The following CFAP70 variants were observed in gnomAD, a reference collection of about 807,000 sequenced individuals.
The protein encoded by CFAP70 is cilia and flagella associated protein 70, also known as cilia- and flagella-associated protein 70.
A neutral mutation model predicts 137.6 loss-of-function variants in CFAP70; 81 were observed. That is an observed-to-expected ratio of 0.59 (90% CI 0.49 to 0.71). CFAP70 has a LOEUF of 0.71. Among genes scored for constraint, CFAP70 ranks in the 30% least tolerant of loss-of-function variants. The probability of loss-of-function intolerance (pLI) is 0.00; values close to 1 mark genes in which losing one functional copy is unlikely to be tolerated. For synonymous variants in CFAP70, 382 were observed against 423.6 expected (o/e 0.90, Z 1.20); for missense variants, 976 against 1,226.7 (o/e 0.80, Z 3.05).
intron 19 of CFAP70, among the ~76,000 whole-genome samples, chr10:73,284,054 C>T (rs1331268007): frequency 5.3e-5 from 8 of 152,184 alleles, no homozygotes. Context: ...AACATATTAT[C>T]TCATAGTTCT....
chr10:73,321,258 G>T (rs1001333140), intron 9 of CFAP70, among the ~76,000 whole-genome samples: 3 of 151,878 alleles, frequency 2.0e-5, no homozygotes, highest in African/African-American at 7.3e-5. Flanking sequence ...TTCTACTAAA[G>T]ATACAAAAAA....
At chr10:73,328,330 A>C (rs1223870091) in intron 8 of CFAP70, among the ~76,000 whole-genome samples, 10 of 151,988 alleles carry the variant, frequency 6.6e-5, no homozygotes, top group African/African-American at 2.2e-4. Flanking sequence ...CCTTATACAA[A>C]AATTAATTCA....
intron 2 of CFAP70, among the ~76,000 whole-genome samples, chr10:73,354,425 A>C (rs1361478113): frequency 6.6e-6 from 1 of 152,212 alleles, no homozygotes; most frequent in East Asian, 1.9e-4. Context: ...ATTAATCACA[A>C]GGGAAACTCT....
At chr10:73,269,136 G>A (rs769378407) in intron 25 of CFAP70, among the ~76,000 whole-genome samples, 2 of 152,116 alleles carry the variant, frequency 1.3e-5, no homozygotes, top group African/African-American at 2.4e-5. Context: ...GGCTACTGTC[G>A]TTATTCCCAA....
intron 15 of CFAP70, chr10:73,293,611 A>C: frequency 2.6e-6 from 1 of 389,714 alleles, no homozygotes; most frequent in Admixed American, 4.2e-5. Flanking sequence ...CAACAGTCTG[A>C]GCTCATGGAA....
chr10:73,323,333 G>GT (rs1317809650), intron 8 of CFAP70, among the ~76,000 whole-genome samples: 2 of 130,354 alleles, frequency 1.5e-5, no homozygotes, highest in Non-Finnish European at 3.3e-5. Context: ...GGCGGGGGCG[G>GT]GGGGGGGGCA....
In CFAP70 at chr10:73,310,261, T is replaced by C. The variant is rs1050193806; in HGVS notation, c.1165-12A>G. On this transcript the variant is annotated splice_polypyrimidine_tract_variant and intron_variant, in intron 11 of 26. Transcript: ENST00000310715. The stretch of plus-strand genomic sequence containing the variant: ...GCTTCTACATATTGCTGTAAAGACA[T>C]TGTTTTCTTATTATTTCCAGAAAAA... 2.5e-6 allele frequency: 4 copies of C among 1,572,512 alleles called. No individual in the cohort carries two copies. The South Asian group carries it at 3.5e-5, about 14-fold the overall frequency.
intron 5 of CFAP70, among the ~76,000 whole-genome samples, chr10:73,343,648 G>A (rs2053467858): frequency 6.6e-6 from 1 of 152,086 alleles, no homozygotes; most frequent in African/African-American, 2.4e-5. Flanking sequence ...GGCACAGGGT[G>A]GAGTGAGCTG....
At chr10:73,336,771 G>A (rs2052712147) in intron 6 of CFAP70, among the ~76,000 whole-genome samples, 1 of 151,312 alleles carries the variant, frequency 6.6e-6, no homozygotes. Flanking sequence ...ATTTTTTTTA[G>A]TAGAGACAGG....
intron 9 of CFAP70, among the ~76,000 whole-genome samples, chr10:73,315,153 G>A (rs1217703723): frequency 6.7e-6 from 1 of 149,798 alleles, no homozygotes; most frequent in African/African-American, 2.5e-5. Flanking sequence ...GTAGTTCAAG[G>A]CTGCAGTGAG....
intron 10 of CFAP70, among the ~76,000 whole-genome samples, 174 bp from the exon 12 acceptor site, chr10:73,312,088 A>G (rs1331644198): frequency 6.6e-6 from 1 of 152,204 alleles, no homozygotes; most frequent in Non-Finnish European, 1.5e-5. Context: ...CTCAGCAACT[A>G]ACACAGGAAC....
At chr10:73,348,073 T>G in intron 4 of CFAP70, 83 bp downstream of exon 5, 1 of 1,256,756 alleles carries the variant, frequency 8.0e-7, no homozygotes, top group Non-Finnish European at 1.2e-6. Flanking sequence ...TGCATTACAC[T>G]CAACTGAATT....
chr10:73,293,273 T>A, exon 16 of CFAP70: 1 of 1,610,288 alleles, frequency 6.2e-7, no homozygotes, highest in Non-Finnish European at 8.5e-7. Flanking sequence ...CTCTTTATAA[T>A]ATGCTGCTGC....
At chr10:73,265,043 C>T (rs929165991) in intron 25 of CFAP70, among the ~76,000 whole-genome samples, 5 of 152,094 alleles carry the variant, frequency 3.3e-5, no homozygotes, top group Admixed American at 1.3e-4. Flanking sequence ...AGAAGAGATT[C>T]GGCCGGGTGC....
At chr10:73,256,477 A>G in intron 25 of CFAP70, 61 bp from the exon 27 acceptor site, 1 of 1,590,444 alleles carries the variant, frequency 6.3e-7, no homozygotes, top group South Asian at 1.1e-5. Context: ...TAAGGAAAAT[A>G]CATTGCCTCA....
chr10:73,275,488 C>T lies in CFAP70; in HGVS notation c.2631G>A (p.Lys877=), dbSNP rs1419365337. Reference sequence around the variant, plus strand: ...CTGCTTGTTGAAGGTATTCCTCTGCCTTGGCAAAGTTCTTCTTAAGAATGT... The same window carrying T: ...CTGCTTGTTGAAGGTATTCCTCTGCTTTGGCAAAGTTCTTCTTAAGAATGT... The change falls in exon 22 of 27, where the codon AAG becomes AAA. Residue 877 remains lysine (K), a synonymous_variant. Transcript: ENST00000310715. This position sits in a 1 kb window ranked among gnomAD's most constrained non-coding sequence, Gnocchi z 4.0. 2 of 1,611,304 alleles carry T rather than the reference C, an allele frequency of 1.2e-6. No homozygotes were observed. Among genetic ancestry groups the T allele is most frequent in the Non-Finnish European group, 1.7e-6 (2 of 1,179,144 alleles).
chr10:73,275,690 GA>G lies in CFAP70; in HGVS notation c.2521-93del, dbSNP rs1177524810. The G allele has an allele frequency of 9.2e-7, 1 of 1,091,470 alleles. No individual in the cohort carries two copies. Among genetic ancestry groups the G allele is most frequent in the African/African-American group, 1.6e-5 (1 of 61,394 alleles). 67.6% of individuals were successfully genotyped at this position (1,091,470 alleles called of 1,614,324 possible). A position where few individuals can be genotyped will look rare whatever the true frequency, so the allele number is the denominator to read the frequency against. ...TTCTGTCTCTGATAATAAATAATAC[GA>G]AATGTATTACAGAATGAAATAATTA... On this transcript the variant is annotated intron_variant, in intron 21 of 26. Coordinates refer to ENST00000310715, the Ensembl canonical transcript of CFAP70. The surrounding 1 kb of genome is among the most constrained non-coding windows in gnomAD (Gnocchi z 4.0).
chr10:73,254,513 AT>A (rs1181273659), intron 26 of CFAP70, among the ~76,000 whole-genome samples: 2 of 152,124 alleles, frequency 1.3e-5, no homozygotes, highest in African/African-American at 4.8e-5. Flanking sequence ...CAGAATACCT[AT>A]TTTTTCTTAC....
At chr10:73,296,469 G>A (rs974074375) in intron 15 of CFAP70, 1 of 152,170 alleles carries the variant, frequency 6.6e-6, no homozygotes. Flanking sequence ...ACACTACCAG[G>A]GGACAAAAAG....
Sources: gnomAD v4.1 joint callset for allele counts (sites outside exome capture counted in the v4.1 genomes callset) on GRCh38, gnomAD v4.1.1 for gene constraint, Gnocchi (gnomAD v3.1) non-coding constraint, MANE v1.5 for transcripts, NCBI Gene and HGNC (gene_info 2026-07-23, HGNC 2026-07-21) for gene names.